Variants in CNTNAP5 observed in about 807,000 individuals in gnomAD.
CNTNAP5 encodes the protein contactin-associated protein-like 5.
In CNTNAP5, 72 loss-of-function variants were observed where a neutral mutation model predicts 150.2. The ratio of observed to expected loss-of-function variants is 0.48; its 90% CI spans 0.40 to 0.58. CNTNAP5 has a LOEUF of 0.58. CNTNAP5 is among the 20% of genes least tolerant of loss of function. CNTNAP5 has a pLI of 0.00. For synonymous variants in CNTNAP5, 672 were observed against 619.8 expected (o/e 1.08, Z -1.25); for missense variants, 1,636 against 1,626.2 (o/e 1.01, Z -0.10).
intron 13 of CNTNAP5, among the ~76,000 whole-genome samples, chr2:124,744,994 G>T (rs764305016): frequency 6.6e-6 from 1 of 152,086 alleles, no homozygotes; most frequent in Non-Finnish European, 1.5e-5. Context: ...TGGTTAAAAC[G>T]TGTTTCAACT....
intron 3 of CNTNAP5, among the ~76,000 whole-genome samples, chr2:124,393,842 T>C (rs1420135859): frequency 1.3e-5 from 2 of 152,218 alleles, no homozygotes; most frequent in East Asian, 1.9e-4. Flanking sequence ...AAGGGGCACA[T>C]TGAAGTTTTG....
chr2:124,550,372 G>A (rs573737957), intron 10 of CNTNAP5, among the ~76,000 whole-genome samples: 33 of 152,006 alleles, frequency 2.2e-4, no homozygotes, highest in African/African-American at 6.8e-4. Flanking sequence ...TTATAAATGC[G>A]GAACCTCTGT....
At chr2:124,646,440 G>A (rs1370714518) in intron 12 of CNTNAP5, among the ~76,000 whole-genome samples, 2 of 152,160 alleles carry the variant, frequency 1.3e-5, no homozygotes, top group African/African-American at 2.4e-5. Flanking sequence ...TTCTCCATTT[G>A]TAAGGCTAAG....
At chr2:124,675,387 A>C (rs1434256540) in intron 13 of CNTNAP5, among the ~76,000 whole-genome samples, 1 of 152,094 alleles carries the variant, frequency 6.6e-6, no homozygotes, top group Non-Finnish European at 1.5e-5. Flanking sequence ...TATTCCAATC[A>C]TCATTTAAAT....
intron 3 of CNTNAP5, among the ~76,000 whole-genome samples, chr2:124,402,941 G>A (rs988555845): frequency 2.6e-5 from 4 of 152,052 alleles, no homozygotes; most frequent in Admixed American, 6.5e-5. Context: ...CCATTTTTGC[G>A]CTGCTCTGAA....
chr2:124,505,892 C>T (rs189916141), intron 8 of CNTNAP5, among the ~76,000 whole-genome samples: 11 of 152,356 alleles, frequency 7.2e-5, no homozygotes, highest in Non-Finnish European at 1.5e-4. Context: ...AAACCTCCCT[C>T]TGCTTTTCAC....
chr2:124,674,612 C>A (rs971952147), intron 13 of CNTNAP5, among the ~76,000 whole-genome samples: 1 of 148,632 alleles, frequency 6.7e-6, no homozygotes, highest in Non-Finnish European at 1.5e-5. Flanking sequence ...TTCTTAAATA[C>A]AGGCATTTAC....
intron 3 of CNTNAP5, among the ~76,000 whole-genome samples, chr2:124,317,456 G>A (rs115808489): frequency 0.054 from 8,149 of 152,110 alleles, 266 homozygotes; most frequent in Non-Finnish European, 0.071. Flanking sequence ...CACTTTGCTC[G>A]CCAGTGCTCA....
At chr2:124,879,912 C>G (rs1423778175) in intron 21 of CNTNAP5, among the ~76,000 whole-genome samples, 1 of 152,038 alleles carries the variant, frequency 6.6e-6, no homozygotes. Flanking sequence ...CTGCGGCGGC[C>G]TTATAGGGAC....
At chr2:124,906,594 A>G (rs939512927) in intron 22 of CNTNAP5, among the ~76,000 whole-genome samples, 1 of 152,156 alleles carries the variant, frequency 6.6e-6, no homozygotes. Context: ...AGATTTTAAT[A>G]TCTTGGGAAA....
intron 21 of CNTNAP5, among the ~76,000 whole-genome samples, chr2:124,897,936 AGT>A (rs56154943): frequency 0.084 from 11,889 of 141,898 alleles, 682 homozygotes; most frequent in East Asian, 0.17. Flanking sequence ...GCAAATGCCA[AGT>A]GTGTGTGTGT....
At chr2:124,742,649 CACATAT>C (rs774099965) in intron 13 of CNTNAP5, among the ~76,000 whole-genome samples, 2 of 151,012 alleles carry the variant, frequency 1.3e-5, no homozygotes, top group African/African-American at 2.4e-5. Flanking sequence ...CACACACACA[CACATAT>C]ATATATATAT....
chr2:124,704,157 C>G (rs1203285901), intron 13 of CNTNAP5, among the ~76,000 whole-genome samples: 1 of 152,162 alleles, frequency 6.6e-6, no homozygotes, highest in African/African-American at 2.4e-5. Context: ...GGATTTAAAT[C>G]TGTACTCCAA....
At chr2:124,749,362 C>T (rs1210996958) in intron 14 of CNTNAP5, among the ~76,000 whole-genome samples, 2 of 150,974 alleles carry the variant, frequency 1.3e-5, no homozygotes, top group Non-Finnish European at 3.0e-5. Flanking sequence ...TCCCTCTCTC[C>T]GTCCTTCCCT....
chr2:124,595,812 C>T (rs1215900986), intron 11 of CNTNAP5, among the ~76,000 whole-genome samples: 2 of 137,112 alleles, frequency 1.5e-5, no homozygotes, highest in Non-Finnish European at 3.1e-5. Context: ...GCTACAATTT[C>T]AGCTCCTGTT....
At chr2:124,356,512 G>A (rs1410602612) in intron 3 of CNTNAP5, among the ~76,000 whole-genome samples, 1 of 135,738 alleles carries the variant, frequency 7.4e-6, no homozygotes, top group Non-Finnish European at 1.5e-5. Context: ...CTGTGTCCAT[G>A]TGATCTCATT....
chr2:124,387,017 G>T (rs1230095402), intron 3 of CNTNAP5, among the ~76,000 whole-genome samples: 1 of 152,180 alleles, frequency 6.6e-6, no homozygotes, highest in African/African-American at 2.4e-5. Flanking sequence ...ATCTCTAAAT[G>T]GTGAAGAGGA....
At chr2:124,049,104 T>G (rs1681622699) in intron 1 of CNTNAP5, among the ~76,000 whole-genome samples, 1 of 152,194 alleles carries the variant, frequency 6.6e-6, no homozygotes, top group South Asian at 2.1e-4. Context: ...AGAGGTCACT[T>G]TGAGAAACGC....
At chr2:124,790,796 C>G (rs113262522) in intron 18 of CNTNAP5, among the ~76,000 whole-genome samples, 1 of 152,060 alleles carries the variant, frequency 6.6e-6, no homozygotes, top group South Asian at 2.1e-4. Context: ...TTAATAATCA[C>G]GGATATACAC....
Sources: gnomAD v4.1 joint callset for allele counts (sites outside exome capture counted in the v4.1 genomes callset) on GRCh38, gnomAD v4.1.1 for gene constraint, MANE v1.5 for transcripts, NCBI Gene and HGNC (gene_info 2026-07-23, HGNC 2026-07-21) for gene names.